The following CENPW variants were observed in gnomAD, a reference collection of about 807,000 sequenced individuals.
The protein encoded by CENPW is cancer-up-regulated gene 2 protein.
In CENPW, 3 loss-of-function variants were observed where a neutral mutation model predicts 11.1. The ratio of observed to expected loss-of-function variants is 0.27; its 90% CI spans 0.12 to 0.70. CENPW has a LOEUF of 0.70. CENPW is among the 30% of genes least tolerant of loss of function. The pLI, the probability that CENPW is intolerant of heterozygous loss-of-function variation, is 0.77. For synonymous variants in CENPW, 38 were observed against 42.0 expected, an observed-to-expected ratio of 0.91 and a Z score of 0.37; for missense variants, 100 against 105.6, an observed-to-expected ratio of 0.95 and a Z score of 0.23.
chr6:126,401,114 G>A, the CENPW span, among the ~76,000 whole-genome samples: 31 of 152,132 alleles, frequency 2.0e-4, no homozygotes, highest in African/African-American at 6.7e-4. Context: ...TTGTCTGATA[G>A]CCAGAATCTT....
At chr6:126,372,118 T>A in the CENPW span, among the ~76,000 whole-genome samples, 2 of 152,156 alleles carry the variant, frequency 1.3e-5, no homozygotes, top group African/African-American at 4.8e-5. Flanking sequence ...TTTCTTTTCT[T>A]CTGCTGGGTT....
the CENPW span, among the ~76,000 whole-genome samples, chr6:126,457,454 G>C: frequency 2.6e-5 from 4 of 151,060 alleles, no homozygotes; most frequent in Non-Finnish European, 5.9e-5. Flanking sequence ...ACAAACTAAC[G>C]CGGGAGCAGA....
At chr6:126,423,711 C>A in the CENPW span, among the ~76,000 whole-genome samples, 1 of 151,736 alleles carries the variant, frequency 6.6e-6, no homozygotes, top group African/African-American at 2.4e-5. Flanking sequence ...ATTCATAGAA[C>A]ACTGCTATTG....
the CENPW span, among the ~76,000 whole-genome samples, chr6:126,446,667 T>C: frequency 1.3e-5 from 2 of 151,160 alleles, no homozygotes; most frequent in Non-Finnish European, 1.5e-5. Flanking sequence ...ATGAAGTTAC[T>C]TGATGTTCTG....
the CENPW span, among the ~76,000 whole-genome samples, chr6:126,455,232 C>T: frequency 6.6e-6 from 1 of 151,338 alleles, no homozygotes; most frequent in Admixed American, 6.6e-5. Flanking sequence ...CTAGCATCAT[C>T]CTGATACTTA....
chr6:126,393,167 T>C, the CENPW span, among the ~76,000 whole-genome samples: 1 of 151,960 alleles, frequency 6.6e-6, no homozygotes, highest in Non-Finnish European at 1.5e-5. Context: ...GTTTTATTTA[T>C]TTGGACCTTC....
At chr6:126,381,603 C>G in the CENPW span, among the ~76,000 whole-genome samples, 1 of 152,280 alleles carries the variant, frequency 6.6e-6, no homozygotes, top group Non-Finnish European at 1.5e-5. Flanking sequence ...TCACCTGGAG[C>G]CTGTCATCTC....
chr6:126,348,319 C>A, intron 2 of CENPW, 147 bp from the exon 3 acceptor site: 1 of 548,082 alleles, frequency 1.8e-6, no homozygotes, highest in Non-Finnish European at 3.3e-6. Flanking sequence ...CCCTAATCAC[C>A]TGGAAGGTGA....
chr6:126,417,124 G>A, the CENPW span, among the ~76,000 whole-genome samples: 1 of 152,216 alleles, frequency 6.6e-6, no homozygotes, highest in Non-Finnish European at 1.5e-5. Flanking sequence ...GTGTGACCTG[G>A]ATGTGAGTCA....
At chr6:126,356,578 T>C in the CENPW span, among the ~76,000 whole-genome samples, 1 of 152,198 alleles carries the variant, frequency 6.6e-6, no homozygotes, top group Non-Finnish European at 1.5e-5. Flanking sequence ...CATTCCCTTT[T>C]CTTTGCAGCT....
At chr6:126,379,741 T>C in the CENPW span, among the ~76,000 whole-genome samples, 1 of 152,200 alleles carries the variant, frequency 6.6e-6, no homozygotes, top group Non-Finnish European at 1.5e-5. Flanking sequence ...AGTTGACATG[T>C]TCATATAATT....
the CENPW span, among the ~76,000 whole-genome samples, chr6:126,389,323 C>T: frequency 7.9e-5 from 12 of 151,766 alleles, no homozygotes; most frequent in Non-Finnish European, 1.6e-4. Context: ...TGTAAGAGTA[C>T]TTTGTTTTTT....
chr6:126,373,934 C>A, the CENPW span, among the ~76,000 whole-genome samples: 1 of 152,160 alleles, frequency 6.6e-6, no homozygotes, highest in Non-Finnish European at 1.5e-5. Context: ...TGGAGAATGG[C>A]TACCACATTG....
chr6:126,451,505 C>A, the CENPW span, among the ~76,000 whole-genome samples: 1 of 151,108 alleles, frequency 6.6e-6, no homozygotes, highest in Non-Finnish European at 1.5e-5. Flanking sequence ...TTCTTAATCT[C>A]AGAAAGATAA....
chr6:126,359,255 A>C, the CENPW span, among the ~76,000 whole-genome samples: 1 of 151,508 alleles, frequency 6.6e-6, no homozygotes, highest in African/African-American at 2.4e-5. Flanking sequence ...ATTGATGTCT[A>C]TTTTTATTGC....
chr6:126,417,439 G>A, the CENPW span, among the ~76,000 whole-genome samples: 1 of 152,212 alleles, frequency 6.6e-6, no homozygotes, highest in African/African-American at 2.4e-5. Context: ...GTGAGGACAT[G>A]AGATTTGGGA....
At chr6:126,380,613 C>T in the CENPW span, among the ~76,000 whole-genome samples, 38 of 152,292 alleles carry the variant, frequency 2.5e-4, no homozygotes, top group African/African-American at 8.9e-4. Flanking sequence ...GGGGCACCCA[C>T]TGTCTTAACT....
chr6:126,364,242 A>C, the CENPW span, among the ~76,000 whole-genome samples: 1 of 152,190 alleles, frequency 6.6e-6, no homozygotes, highest in Non-Finnish European at 1.5e-5. Flanking sequence ...TGGATGAGTG[A>C]TAGAAACGAC....
the CENPW span, among the ~76,000 whole-genome samples, chr6:126,361,824 C>CCA: frequency 6.6e-6 from 1 of 152,190 alleles, no homozygotes; most frequent in Non-Finnish European, 1.5e-5. Flanking sequence ...TGCCCCACTG[C>CCA]CACACATCTT....
Sources: allele counts gnomAD v4.1 joint callset (sites outside exome capture counted in the v4.1 genomes callset), GRCh38; gene constraint gnomAD v4.1.1; transcripts MANE v1.5; gene names NCBI Gene and HGNC (gene_info 2026-07-23, HGNC 2026-07-21).